The following TSPEAR variants were observed in gnomAD, a reference collection of about 807,000 sequenced individuals.
TSPEAR encodes thrombospondin type laminin G domain and EAR repeats, also known as thrombospondin-type laminin G domain and EAR repeat-containing protein.
A neutral mutation model predicts 71.6 loss-of-function variants in TSPEAR; 69 were observed. The ratio of observed to expected loss-of-function variants is 0.96; its 90% CI spans 0.79 to 1.18. The LOEUF is 1.18. TSPEAR is among the 50% of genes most tolerant of loss of function. The pLI, the probability that TSPEAR is intolerant of heterozygous loss-of-function variation, is 0.00. For missense variants in TSPEAR, 971 were observed against 894.9 expected (o/e 1.09, Z -1.09); for synonymous variants, 402 against 387.2 (o/e 1.04, Z -0.45).
At chr21:44,558,011 A>G (rs2053562087) in intron 2 of TSPEAR, 4 of 1,571,066 alleles carry the variant, frequency 2.5e-6, no homozygotes, top group Non-Finnish European at 3.5e-6. Flanking sequence ...GAAGTCAGAG[A>G]TGGCCCTGGA....
intron 1 of TSPEAR, among the ~76,000 whole-genome samples, chr21:44,645,910 C>A (rs587599540): frequency 1.1e-4 from 17 of 151,284 alleles, no homozygotes; most frequent in Middle Eastern, 3.4e-3. Flanking sequence ...GAGGCTGAGG[C>A]GGGTAGATCA....
intron 1 of TSPEAR, among the ~76,000 whole-genome samples, chr21:44,645,686 A>G (rs1290418643): frequency 2.0e-5 from 3 of 152,042 alleles, no homozygotes; most frequent in Non-Finnish European, 2.9e-5. Flanking sequence ...TGCCGTTTTT[A>G]TTTCATATGA....
Position 44,529,874 on chromosome 21 carries a change from C to G in TSPEAR, c.714G>C (p.Ala238=). 4.3e-6 allele frequency: 7 copies of G among 1,613,620 alleles called. No individual in the cohort carries two copies. The highest frequency in any genetic ancestry group is 5.9e-6 in the Non-Finnish European group (7 of 1,179,906). The change falls in exon 5 of 12, where the codon GCG becomes GCC. Residue 238 remains alanine (A), a synonymous_variant. Coordinates refer to ENST00000323084, the MANE Select transcript of TSPEAR (RefSeq NM_144991.3). ...RLCPSRNAPL[A]VLSIPRVLQA... is the part of the protein sequence containing the mutation. Reference sequence around the variant, plus strand: ...GCAGGACCCGTGGGATGGACAGCACCGCCAGCGGGGCGTTCCTGCTGGGAC... The same window carrying G: ...GCAGGACCCGTGGGATGGACAGCACGGCCAGCGGGGCGTTCCTGCTGGGAC...
At chr21:44,651,979 C>CTTTT (rs60867977) in intron 1 of TSPEAR, among the ~76,000 whole-genome samples, 265 of 124,330 alleles carry the variant, frequency 2.1e-3, no homozygotes, top group Non-Finnish European at 2.9e-3. Flanking sequence ...ATAAAACTTT[C>CTTTT]TTTTTTTTTT....
intron 2 of TSPEAR, among the ~76,000 whole-genome samples, chr21:44,564,992 A>C (rs2053684107): frequency 6.6e-6 from 1 of 152,194 alleles, no homozygotes; most frequent in African/African-American, 2.4e-5. Flanking sequence ...AAACTGGGGA[A>C]ACACACAAAT....
At chr21:44,603,995 G>C (rs1555929412) in intron 1 of TSPEAR, among the ~76,000 whole-genome samples, 1 of 152,176 alleles carries the variant, frequency 6.6e-6, no homozygotes, top group East Asian at 1.9e-4. Flanking sequence ...CTCCCTCCTG[G>C]GCACGTGGGC....
At chr21:44,503,078 C>CG (rs1555911326) in intron 11 of TSPEAR, among the ~76,000 whole-genome samples, 2 of 132,506 alleles carry the variant, frequency 1.5e-5, no homozygotes, top group African/African-American at 6.0e-5. Flanking sequence ...GGTGAGCCCT[C>CG]AGGGGGAAGC....
At chr21:44,544,734 G>T (rs1482296714) in intron 2 of TSPEAR, among the ~76,000 whole-genome samples, 1 of 152,168 alleles carries the variant, frequency 6.6e-6, no homozygotes, top group Admixed American at 6.5e-5. Context: ...TGATGGCCTG[G>T]TGGGGGAGGA....
chr21:44,611,060 ACTTGT>A (rs1981634520), intron 1 of TSPEAR, among the ~76,000 whole-genome samples: 1 of 152,118 alleles, frequency 6.6e-6, no homozygotes, highest in Non-Finnish European at 1.5e-5. Flanking sequence ...GGTGGAAGAG[ACTTGT>A]CTTGTCTCAG....
rs190734310 is a variant in TSPEAR, at chr21:44,664,149, G to A, written c.82+47284C>T. Among the ~76,000 whole-genome samples, 44 of 152,156 alleles carry A rather than the reference G, an allele frequency of 2.9e-4. 1 individual carries two copies. Among genetic ancestry groups the A allele is most frequent in the Admixed American group, 2.9e-3 (44 of 15,294 alleles). On this transcript the variant is annotated intron_variant, in intron 1 of 11. Coordinates refer to ENST00000323084, the MANE Select transcript of TSPEAR (RefSeq NM_144991.3). The stretch of plus-strand genomic sequence containing the variant: ...AGCCTGGAAAGAAAGAAATAACACA[G>A]TCTCTATTAACATATTACATTATTG...
chr21:44,562,377 A>G (rs2053649333), intron 2 of TSPEAR, among the ~76,000 whole-genome samples: 1 of 152,226 alleles, frequency 6.6e-6, no homozygotes, highest in East Asian at 1.9e-4. Flanking sequence ...GGATAGGAAG[A>G]ATCGATATCA....
At chr21:44,574,908 A>T (rs782001510) in intron 1 of TSPEAR, 1 of 1,605,040 alleles carries the variant, frequency 6.2e-7, no homozygotes, top group South Asian at 1.1e-5. Context: ...CTGTGCTCCC[A>T]CCTCCTCCTG....
intron 1 of TSPEAR, among the ~76,000 whole-genome samples, chr21:44,595,896 T>A (rs1301580452): frequency 2.0e-5 from 3 of 152,238 alleles, no homozygotes; most frequent in Non-Finnish European, 4.4e-5. Context: ...CTCTGTCTTG[T>A]TTACAGCTGC....
chr21:44,521,154 A>T (rs2052725603), intron 9 of TSPEAR, among the ~76,000 whole-genome samples: 1 of 152,190 alleles, frequency 6.6e-6, no homozygotes, highest in Non-Finnish European at 1.5e-5. Context: ...AAACAGTGGG[A>T]GTGCTGTCAC....
At chr21:44,529,216 G>A (rs2052917351) in intron 5 of TSPEAR, among the ~76,000 whole-genome samples, 1 of 152,260 alleles carries the variant, frequency 6.6e-6, no homozygotes, top group Admixed American at 6.5e-5. Flanking sequence ...GCTGAGAGCA[G>A]TGGGGATGCG....
intron 1 of TSPEAR, among the ~76,000 whole-genome samples, chr21:44,622,791 G>T (rs1982526941): frequency 1.3e-5 from 2 of 152,192 alleles, no homozygotes; most frequent in Admixed American, 1.3e-4. Context: ...TGAGTGACAT[G>T]GTTTGGTTGT....
intron 1 of TSPEAR, chr21:44,637,875 AGTCC>A: frequency 6.5e-7 from 1 of 1,530,510 alleles, no homozygotes; most frequent in Non-Finnish European, 8.9e-7. Context: ...GTCTGCTCTA[AGTCC>A]GTCTGCTATG....
At position 44,580,224 on chromosome 21, in the gene TSPEAR, T is replaced by C. The variant is rs781951501; in HGVS notation, c.83-12219A>G. ...TGGCAGGAGGAAGAGGCACAGCAAG[T>C]TGGCTGGCAGCTAGACTGCTGGCAG... On this transcript the variant is annotated intron_variant, in intron 1 of 11. Transcript: ENST00000323084. 20 of 1,609,372 alleles carry C rather than the reference T, an allele frequency of 1.2e-5. No individual in the cohort carries two copies. The highest frequency in any genetic ancestry group is 6.7e-5 in the East Asian group (3 of 44,642).
At position 44,593,169 on chromosome 21, in the gene TSPEAR, GAC is replaced by G. The variant is rs1555927171; in HGVS notation, c.83-25166_83-25165del. 6.6e-6 allele frequency among the ~76,000 whole-genome samples: 1 copy of G among 152,208 alleles called. No homozygotes were observed. Among genetic ancestry groups the G allele is most frequent in the Non-Finnish European group, 1.5e-5 (1 of 68,038 alleles). ...TGGCCCCTCCCTGCTTGGACAGCAT[GAC>G]AGCCTTCTGGGCTGTGGTTTTGGGT... On this transcript the variant is annotated intron_variant, in intron 1 of 11. Coordinates refer to ENST00000323084, the MANE Select transcript of TSPEAR (RefSeq NM_144991.3). The surrounding 1 kb of genome is among the most constrained non-coding windows in gnomAD (Gnocchi z 5.9).
Sources: allele counts gnomAD v4.1 joint callset (sites outside exome capture counted in the v4.1 genomes callset), GRCh38; gene constraint gnomAD v4.1.1; non-coding constraint Gnocchi (gnomAD v3.1); transcripts MANE v1.5; gene names NCBI Gene and HGNC (gene_info 2026-07-23, HGNC 2026-07-21).